CAB39: variants seen among roughly 807,000 people sequenced by gnomAD.
CAB39 encodes calcium-binding protein 39.
CAB39 carries 8 observed loss-of-function variants against 40.0 expected under a neutral mutation model. The ratio of observed to expected loss-of-function variants is 0.20; its 90% CI spans 0.12 to 0.36. The LOEUF (loss-of-function observed/expected upper bound fraction) is 0.36, where lower values mean the gene tolerates loss of function less well. Among genes scored for constraint, CAB39 ranks in the 10% least tolerant of loss-of-function variants. CAB39 has a pLI of 1.00. For synonymous variants in CAB39, 156 were observed against 141.6 expected (o/e 1.10, Z -0.72); for missense variants, 270 against 401.1 (o/e 0.67, Z 2.79).
intron 5 of CAB39, 170 bp downstream of exon 5, chr2:230,799,067 T>C (rs940536274): frequency 3.9e-6 from 2 of 516,804 alleles, no homozygotes; most frequent in Non-Finnish European, 6.7e-6. Flanking sequence ...GTCACAGCTT[T>C]AAAAGGGTGG....
intron 5 of CAB39, among the ~76,000 whole-genome samples, chr2:230,805,564 C>T (rs748248287): frequency 1.1e-4 from 16 of 152,218 alleles, no homozygotes; most frequent in Non-Finnish European, 2.4e-4. Context: ...AGCTCTGCTG[C>T]TGATCTCACC....
intron 2 of CAB39, among the ~76,000 whole-genome samples, chr2:230,762,776 A>ATAATACTCAATAAG (rs1485896497): frequency 1.3e-5 from 2 of 152,244 alleles, no homozygotes; most frequent in Non-Finnish European, 2.9e-5. Context: ...CACTGGGGAT[A>ATAATACTCAATAAG]TAATACTCAA....
At chr2:230,784,897 T>G (rs141882750) in intron 2 of CAB39, among the ~76,000 whole-genome samples, 4 of 152,340 alleles carry the variant, frequency 2.6e-5, no homozygotes, top group East Asian at 1.9e-4. Context: ...GTGTCCAGTT[T>G]CCATTGGCTG....
chr2:230,751,587 G>T (rs948586188), intron 1 of CAB39, among the ~76,000 whole-genome samples: 1 of 152,170 alleles, frequency 6.6e-6, no homozygotes, highest in Non-Finnish European at 1.5e-5. Flanking sequence ...AACTTAAATG[G>T]TGTGGGCTTT....
At chr2:230,759,846 G>C (rs757000209) in intron 1 of CAB39, 113 bp from the exon 2 acceptor site, 32 of 494,664 alleles carry the variant, frequency 6.5e-5, no homozygotes, top group Non-Finnish European at 1.1e-4. Flanking sequence ...GATTTTGAAA[G>C]TTATGTAAAA....
chr2:230,782,848 T>C (rs1284283269), intron 2 of CAB39, among the ~76,000 whole-genome samples: 1 of 135,324 alleles, frequency 7.4e-6, no homozygotes, highest in Non-Finnish European at 1.6e-5. Context: ...GAAGGGAGTC[T>C]CCCTCTCTGT....
At chr2:230,757,362 G>A (rs75914445) in intron 1 of CAB39, among the ~76,000 whole-genome samples, 6,105 of 152,260 alleles carry the variant, frequency 0.04, 422 homozygotes, top group African/African-American at 0.14. Flanking sequence ...CTCCCAAAGT[G>A]CTGAGATTAC....
intron 5 of CAB39, among the ~76,000 whole-genome samples, chr2:230,800,801 G>A (rs559714870): frequency 2.1e-4 from 32 of 152,306 alleles, no homozygotes; most frequent in Admixed American, 3.3e-4. Context: ...TGAGAGAGAT[G>A]TACTGACTAT....
chr2:230,742,229 C>A (rs1042395485), intron 1 of CAB39, among the ~76,000 whole-genome samples: 1 of 152,082 alleles, frequency 6.6e-6, no homozygotes, highest in Non-Finnish European at 1.5e-5. Context: ...GGCTGGAGTG[C>A]AGTGGTGCGA....
intron 1 of CAB39, 21 bp from the exon 2 acceptor site, chr2:230,759,938 G>GCT: frequency 3.7e-6 from 3 of 810,140 alleles, no homozygotes; most frequent in Non-Finnish European, 6.2e-6. Flanking sequence ...TTGCTCACAT[G>GCT]AACCTTGTGC....
intron 1 of CAB39, among the ~76,000 whole-genome samples, chr2:230,744,596 A>G (rs1694941499): frequency 6.6e-6 from 1 of 152,206 alleles, no homozygotes; most frequent in Non-Finnish European, 1.5e-5. Context: ...CTGGCCTCCA[A>G]CCATATTTTG....
intron 1 of CAB39, among the ~76,000 whole-genome samples, chr2:230,759,413 T>G (rs2124918250): frequency 6.6e-6 from 1 of 152,292 alleles, no homozygotes; most frequent in African/African-American, 2.4e-5. Flanking sequence ...ACTTTTTGCC[T>G]CAGTTGCCTC....
At chr2:230,762,823 G>A (rs781577274) in intron 2 of CAB39, among the ~76,000 whole-genome samples, 20 of 152,150 alleles carry the variant, frequency 1.3e-4, no homozygotes, top group Admixed American at 2.0e-4. Flanking sequence ...CGTAGCTTCC[G>A]TTCTAATTAA....
intron 2 of CAB39, among the ~76,000 whole-genome samples, chr2:230,788,908 A>G (rs747669768): frequency 2.0e-5 from 3 of 152,120 alleles, no homozygotes; most frequent in East Asian, 1.9e-4. Context: ...GGATTTTTCA[A>G]TGTTTTGGCT....
At chr2:230,737,998 A>G (rs930303633) in intron 1 of CAB39, among the ~76,000 whole-genome samples, 10 of 152,188 alleles carry the variant, frequency 6.6e-5, no homozygotes, top group African/African-American at 1.9e-4. Flanking sequence ...TTTATTACCC[A>G]TCAGAGCTTG....
intron 1 of CAB39, among the ~76,000 whole-genome samples, chr2:230,744,450 T>C (rs1694938220): frequency 6.6e-6 from 1 of 152,116 alleles, no homozygotes; most frequent in African/African-American, 2.4e-5. Context: ...CGTGACACCA[T>C]GCCCAGCTAA....
chr2:230,728,391 A>G (rs2124869036), intron 1 of CAB39, among the ~76,000 whole-genome samples: 1 of 151,766 alleles, frequency 6.6e-6, no homozygotes, highest in Non-Finnish European at 1.5e-5. Context: ...GCTCACTGCA[A>G]CTCTTCCACC....
At chr2:230,720,016 A>T (rs372898561) in intron 1 of CAB39, among the ~76,000 whole-genome samples, 1 of 152,206 alleles carries the variant, frequency 6.6e-6, no homozygotes, top group Non-Finnish European at 1.5e-5. Context: ...CAAATGTTCT[A>T]CCTTTGTGCT....
chr2:230,735,621 C>G (rs1302903757), intron 1 of CAB39, among the ~76,000 whole-genome samples: 1 of 152,240 alleles, frequency 6.6e-6, no homozygotes, highest in East Asian at 1.9e-4. Flanking sequence ...TCAAGCAGTC[C>G]TCCTACCCCA....
Sources: gnomAD v4.1 joint callset for allele counts (sites outside exome capture counted in the v4.1 genomes callset) on GRCh38, gnomAD v4.1.1 for gene constraint, MANE v1.5 for transcripts, NCBI Gene and HGNC (gene_info 2026-07-23, HGNC 2026-07-21) for gene names.